Variants in GULP1 observed in about 807,000 individuals in gnomAD.
The protein encoded by GULP1 is GULP PTB domain containing engulfment adaptor 1, also known as PTB domain-containing engulfment adapter protein 1.
A neutral mutation model predicts 40.9 loss-of-function variants in GULP1; 19 were observed. The observed-to-expected ratio is 0.46, with a 90% CI of 0.32 to 0.68. The LOEUF (loss-of-function observed/expected upper bound fraction) is 0.68, where lower values mean the gene tolerates loss of function less well. GULP1 is among the 30% of genes least tolerant of loss of function. The pLI is 0.03. For synonymous variants in GULP1, 119 were observed against 117.6 expected, an observed-to-expected ratio of 1.01 and a Z score of -0.08; for missense variants, 312 against 362.2, an observed-to-expected ratio of 0.86 and a Z score of 1.12.
In GULP1 at chr2:188,477,687, T is replaced by G. The variant is rs1441461146; in HGVS notation, c.-16T>G. The G allele has an allele frequency of 1.9e-6, 3 of 1,590,090 alleles. No individual in the cohort carries two copies. The Admixed American group carries it at 5.4e-5, about 29-fold the overall frequency. ...TTAAGTCGTGGAACTGAACATTTAT[T>G]TGGCTGATCCTCATCATGAACCGTG... On this transcript the variant is annotated 5_prime_UTR_variant, in exon 3 of 12. In the 5' UTR this introduces an upstream ATG that the reference lacks. Transcript: ENST00000409830.
chr2:188,521,362 C>T (rs1467707942), intron 4 of GULP1, among the ~76,000 whole-genome samples: 5 of 151,952 alleles, frequency 3.3e-5, no homozygotes, highest in African/African-American at 1.2e-4. Flanking sequence ...TTGGATTGGT[C>T]AGGTTTTACT....
chr2:188,560,826 C>T (rs1212460384), intron 7 of GULP1, among the ~76,000 whole-genome samples: 1 of 152,100 alleles, frequency 6.6e-6, no homozygotes, highest in African/African-American at 2.4e-5. Flanking sequence ...GTGCTCCATA[C>T]TTTTAAGTGA....
At chr2:188,321,686 A>G (rs1284478515) in intron 1 of GULP1, among the ~76,000 whole-genome samples, 1 of 151,910 alleles carries the variant, frequency 6.6e-6, no homozygotes, top group African/African-American at 2.4e-5. Context: ...TTCAGTACAC[A>G]TTAAATAGTA....
intron 2 of GULP1, among the ~76,000 whole-genome samples, chr2:188,463,231 TTGTC>T (rs780264899): frequency 1.3e-5 from 2 of 152,168 alleles, no homozygotes; most frequent in Non-Finnish European, 2.9e-5. Context: ...CAGCTTTTGT[TTGTC>T]TGGTAAAAGG....
At chr2:188,333,425 A>G (rs1237077971) in intron 1 of GULP1, among the ~76,000 whole-genome samples, 3 of 152,094 alleles carry the variant, frequency 2.0e-5, no homozygotes, top group African/African-American at 4.8e-5. Context: ...TTACTAAGTA[A>G]GAGGCAATTG....
At chr2:188,461,773 G>C (rs773995873) in intron 2 of GULP1, among the ~76,000 whole-genome samples, 2 of 152,046 alleles carry the variant, frequency 1.3e-5, no homozygotes, top group South Asian at 2.1e-4. Context: ...GAATTTCTGG[G>C]ATAGCAGTTG....
At chr2:188,325,424 A>T (rs549162821) in intron 1 of GULP1, among the ~76,000 whole-genome samples, 3 of 152,242 alleles carry the variant, frequency 2.0e-5, no homozygotes, top group African/African-American at 7.2e-5. Context: ...CTAGCCAACT[A>T]GAATTACTTA....
At chr2:188,378,399 A>T (rs2048576937) in intron 1 of GULP1, among the ~76,000 whole-genome samples, 1 of 152,354 alleles carries the variant, frequency 6.6e-6, no homozygotes, top group East Asian at 1.9e-4. Flanking sequence ...ATATAAGAAT[A>T]TGATTGCACT....
In GULP1 at chr2:188,360,974, C is replaced by T. The variant is rs531130945; in HGVS notation, c.-171-22789C>T. On this transcript the variant is annotated intron_variant, in intron 1 of 11. Coordinates refer to ENST00000409830, the MANE Select transcript of GULP1 (RefSeq NM_016315.4). Reference sequence around the variant, plus strand: ...GTTTCTCTTTTATGGTGGCGTGAACCTGAAAACTTAATTATTTTCCCCAAT... The same window carrying T: ...GTTTCTCTTTTATGGTGGCGTGAACTTGAAAACTTAATTATTTTCCCCAAT... Among the ~76,000 whole-genome samples, 4 of 152,006 alleles carry T rather than the reference C, an allele frequency of 2.6e-5. No individual in the cohort carries two copies. The East Asian group carries it at 7.7e-4, about 29-fold the overall frequency.
intron 6 of GULP1, among the ~76,000 whole-genome samples, chr2:188,533,748 T>C (rs1688167083): frequency 6.6e-6 from 1 of 151,760 alleles, no homozygotes; most frequent in Non-Finnish European, 1.5e-5. Flanking sequence ...ACATCTAATA[T>C]CCGGAATCTA....
At chr2:188,407,783 C>T (rs539460225) in intron 2 of GULP1, among the ~76,000 whole-genome samples, 17 of 152,168 alleles carry the variant, frequency 1.1e-4, no homozygotes, top group African/African-American at 3.6e-4. Flanking sequence ...AGTAATAAAT[C>T]GTTTCCTATC....
At chr2:188,294,232 G>T (rs534870917) in intron 1 of GULP1, 1 of 152,300 alleles carries the variant, frequency 6.6e-6, no homozygotes, top group South Asian at 2.1e-4. Flanking sequence ...GGTTTGAGCA[G>T]ATGGTTTTCT....
intron 2 of GULP1, among the ~76,000 whole-genome samples, chr2:188,474,767 G>C (rs182648857): frequency 1.1e-4 from 16 of 152,224 alleles, no homozygotes; most frequent in Admixed American, 2.6e-4. Context: ...TTGTTGGGGA[G>C]ACGATTGGTG....
At chr2:188,366,637 G>T (rs2152412555) in intron 1 of GULP1, among the ~76,000 whole-genome samples, 1 of 145,898 alleles carries the variant, frequency 6.9e-6, no homozygotes, top group South Asian at 2.2e-4. Flanking sequence ...CTGTTGCCCA[G>T]GCTGGAGTGC....
intron 4 of GULP1, among the ~76,000 whole-genome samples, chr2:188,489,771 A>C (rs923165010): frequency 6.6e-6 from 1 of 152,056 alleles, no homozygotes; most frequent in African/African-American, 2.4e-5. Flanking sequence ...GTGGGAAACT[A>C]TATGGTGTTT....
chr2:188,430,923 C>T (rs2056800363), intron 2 of GULP1, among the ~76,000 whole-genome samples: 1 of 152,188 alleles, frequency 6.6e-6, no homozygotes, highest in Admixed American at 6.5e-5. Flanking sequence ...GACAGACAGG[C>T]CTTGCTGGCT....
rs779401917 is a variant in GULP1, at chr2:188,541,135, A to G, written c.262-46A>G. ...ACACAAACGAGTATTTCAGAAAATG[A>G]AAAAAGAATCCCATCAACTATGTTT... On this transcript the variant is annotated intron_variant, in intron 6 of 11. Coordinates refer to ENST00000409830, the MANE Select transcript of GULP1 (RefSeq NM_016315.4). The G allele has an allele frequency of 3.1e-5, 48 of 1,549,162 alleles. No homozygotes were observed. In the South Asian group the frequency reaches 5.0e-4, roughly 16 times the overall value.
chr2:188,450,932 G>T (rs962088904), intron 2 of GULP1, among the ~76,000 whole-genome samples: 20 of 152,088 alleles, frequency 1.3e-4, no homozygotes, highest in Admixed American at 1.3e-3. Context: ...CCCCATCTCA[G>T]CACCTGACTT....
At chr2:188,537,765 A>G (rs561409838) in intron 6 of GULP1, among the ~76,000 whole-genome samples, 1 of 152,162 alleles carries the variant, frequency 6.6e-6, no homozygotes, top group Non-Finnish European at 1.5e-5. Context: ...AATTGGTACC[A>G]ACTCTTCTTT....
Sources: allele counts gnomAD v4.1 joint callset (sites outside exome capture counted in the v4.1 genomes callset), GRCh38; gene constraint gnomAD v4.1.1; transcripts MANE v1.5; gene names NCBI Gene and HGNC (gene_info 2026-07-23, HGNC 2026-07-21).